The following ZZZ3 variants were observed in gnomAD, a reference collection of about 807,000 sequenced individuals.
The protein encoded by ZZZ3 is zinc finger ZZ-type containing 3.
ZZZ3 carries 22 observed loss-of-function variants against 95.2 expected under a neutral mutation model. The observed-to-expected ratio is 0.23, with a 90% confidence interval of 0.17 to 0.33. ZZZ3 has a LOEUF of 0.33. Ranked by LOEUF, ZZZ3 falls within the 10% of genes least tolerant of loss-of-function variation. The pLI is 1.00. For synonymous variants in ZZZ3, 335 were observed against 358.9 expected (o/e 0.93, Z 0.75); for missense variants, 885 against 1,066.5 (o/e 0.83, Z 2.37).
At chr1:77,595,312 A>G (rs565186161) in intron 5 of ZZZ3, among the ~76,000 whole-genome samples, 214 of 152,236 alleles carry the variant, frequency 1.4e-3, no homozygotes, top group African/African-American at 4.6e-3. Flanking sequence ...TTAACTAGCC[A>G]TGATGAATGC....
chr1:77,566,512 C>T (rs1323532654), intron 13 of ZZZ3, among the ~76,000 whole-genome samples: 2 of 152,158 alleles, frequency 1.3e-5, no homozygotes, highest in Non-Finnish European at 2.9e-5. Flanking sequence ...TTGAAAGGTA[C>T]CTCAGACCAC....
chr1:77,599,564 T>C (rs993476500), intron 5 of ZZZ3, among the ~76,000 whole-genome samples: 3 of 152,030 alleles, frequency 2.0e-5, no homozygotes, highest in Admixed American at 6.6e-5. Flanking sequence ...ATTTTATACA[T>C]TGGGACAGTT....
At chr1:77,662,542 G>C (rs1378584676) in intron 1 of ZZZ3, among the ~76,000 whole-genome samples, 2 of 152,214 alleles carry the variant, frequency 1.3e-5, no homozygotes, top group Non-Finnish European at 2.9e-5. Flanking sequence ...AGAATTGGAA[G>C]TATCAGTGTA....
rs1036591662 is a variant in ZZZ3, at chr1:77,564,269, G to A, written c.*1371C>T. Reference sequence around the variant, plus strand: ...CATGGTCCGTGTTTCCTTTTTGTAAGCTAGTTTAATTTAGTGTTTCAGCAC... The same window carrying A: ...CATGGTCCGTGTTTCCTTTTTGTAAACTAGTTTAATTTAGTGTTTCAGCAC... On this transcript the variant is annotated 3_prime_UTR_variant, in exon 15 of 15. Transcript: ENST00000370801. 2 of 151,984 alleles carry A rather than the reference G, an allele frequency of 1.3e-5. No homozygotes were observed. Among genetic ancestry groups the A allele is most frequent in the Non-Finnish European group, 2.9e-5 (2 of 67,946 alleles). The allele number at this position is 151,984 out of a possible 1,614,324, so 9.4% of individuals were successfully genotyped here.
intron 1 of ZZZ3, among the ~76,000 whole-genome samples, chr1:77,656,501 G>A (rs1165397381): frequency 1.3e-5 from 2 of 152,148 alleles, no homozygotes; most frequent in Non-Finnish European, 2.9e-5. Context: ...GACGGATCAA[G>A]GTAAAGATTC....
intron 1 of ZZZ3, among the ~76,000 whole-genome samples, chr1:77,675,363 G>A (rs1475759525): frequency 6.6e-6 from 1 of 152,104 alleles, no homozygotes; most frequent in Non-Finnish European, 1.5e-5. Context: ...AAACTAGTAA[G>A]GAGGGTAAAT....
intron 1 of ZZZ3, among the ~76,000 whole-genome samples, chr1:77,643,747 G>A (rs1668995076): frequency 6.6e-6 from 1 of 152,174 alleles, no homozygotes; most frequent in African/African-American, 2.4e-5. Flanking sequence ...AATCTCACTA[G>A]AAGATACAGC....
intron 5 of ZZZ3, among the ~76,000 whole-genome samples, chr1:77,627,805 T>G (rs1667460290): frequency 6.6e-6 from 1 of 152,194 alleles, no homozygotes; most frequent in South Asian, 2.1e-4. Flanking sequence ...TTGTAAGAGC[T>G]CAAGAATCTA....
chr1:77,635,275 A>C (rs890597924), intron 4 of ZZZ3, among the ~76,000 whole-genome samples: 2 of 152,204 alleles, frequency 1.3e-5, no homozygotes, highest in Admixed American at 1.3e-4. Context: ...GCATACTTTT[A>C]AATTTTTAAT....
At chr1:77,680,614 C>G (rs1183143725) in intron 1 of ZZZ3, among the ~76,000 whole-genome samples, 1 of 152,154 alleles carries the variant, frequency 6.6e-6, no homozygotes, top group Non-Finnish European at 1.5e-5. Flanking sequence ...ACAACACTTA[C>G]AAAATGATAG....
Position 77,632,097 on chromosome 1 carries a change from T to G in ZZZ3, c.1258A>C (p.Ser420Arg). 3 of 1,614,128 alleles carry G rather than the reference T, an allele frequency of 1.9e-6. No homozygotes were observed. Among genetic ancestry groups the G allele is most frequent in the Non-Finnish European group, 2.5e-6 (3 of 1,179,970 alleles). ...GTAGGAGATTGACTTACATTATCAC[T>G]AACAGTTGCATTTGTTTCATTAGGA... is the stretch of plus-strand genomic sequence containing the variant. ...LSPNETNATV[S>R]DNVSQSPTNP... is the part of the protein sequence containing the mutation. The change falls in exon 5 of 15, where the codon AGT (serine) becomes CGT (arginine). Residue 420 changes from serine to arginine, a missense_variant. By Grantham distance (110) the Ser-to-Arg change is moderately radical (BLOSUM62 -1). Coordinates refer to ENST00000370801, the MANE Select transcript of ZZZ3 (RefSeq NM_015534.6).
rs186345623 is a variant in ZZZ3, at chr1:77,629,913, T to C, written c.1505+1937A>G. Among the ~76,000 whole-genome samples, 379 of 152,350 alleles carry C rather than the reference T, an allele frequency of 2.5e-3. 2 individuals carry two copies. The highest frequency in any genetic ancestry group is 3.4e-3 in the Middle Eastern group (1 of 294). ...GGGTTATGAATGTGGAATATCAATG[T>C]TATGACTGTATCTTTAGGTAACTGT... On this transcript the variant is annotated intron_variant, in intron 5 of 14. Coordinates refer to ENST00000370801, the MANE Select transcript of ZZZ3 (RefSeq NM_015534.6).
At chr1:77,589,748 C>G (rs1663487067) in intron 5 of ZZZ3, among the ~76,000 whole-genome samples, 1 of 152,100 alleles carries the variant, frequency 6.6e-6, no homozygotes. Context: ...GCATGAACCA[C>G]TGTGCTCGGC....
chr1:77,683,182 T>C (rs1177410395), upstream of ZZZ3: 1 of 120,828 alleles, frequency 8.3e-6, no homozygotes, highest in Non-Finnish European at 1.7e-5. Flanking sequence ...AAGCCGATCG[T>C]TTCCCACCCC....
intron 5 of ZZZ3, among the ~76,000 whole-genome samples, chr1:77,621,547 G>A (rs1666863258): frequency 6.6e-6 from 1 of 150,814 alleles, no homozygotes. Flanking sequence ...CAGGCATGGT[G>A]CCTCACACCT....
intron 5 of ZZZ3, among the ~76,000 whole-genome samples, chr1:77,631,198 GATA>G (rs1234150198): frequency 6.6e-6 from 1 of 152,172 alleles, no homozygotes; most frequent in African/African-American, 2.4e-5. Flanking sequence ...GTTGAGAGCT[GATA>G]ATATTTTAAG....
intron 5 of ZZZ3, among the ~76,000 whole-genome samples, chr1:77,617,378 A>T (rs1666416766): frequency 6.6e-6 from 1 of 152,202 alleles, no homozygotes; most frequent in Non-Finnish European, 1.5e-5. Context: ...TTTCATATAA[A>T]TAGAAACATA....
chr1:77,632,051 T>C lies in ZZZ3; in HGVS notation c.1304A>G (p.Gln435Arg). ...GTCACAACATATCCCTTTTTCATTT[T>C]GAGAAATTTCACCAGGATTTGTAGG... ...QSPTNPGEIS[Q>R]NEKGICCDSQ... Residue 435 changes from glutamine (Q) to arginine (R), a missense_variant, in exon 5 of 15, where the codon CAA becomes CGA. Physicochemically the swap from Gln to Arg is conservative, Grantham distance 43. Around this residue, in one of 5 missense-constraint regions of ZZZ3, gnomAD observed 556 missense variants for 652.9 expected, o/e 0.85. Transcript: ENST00000370801. 1.9e-6 allele frequency: 3 copies of C among 1,614,178 alleles called. No homozygotes were observed. Among genetic ancestry groups the C allele is most frequent in the South Asian group, 1.1e-5 (1 of 91,082 alleles).
rs76289322 is a variant in ZZZ3 at position 77,659,744 on chromosome 1, C to T, written c.-402-18089G>A. On this transcript the variant is annotated intron_variant, in intron 1 of 14. Transcript: ENST00000370801. ...CCAGTTGAATCCTATGTTTTGATTA[C>T]CCAAAAAAAAAAAAAAGTTCCTTTT... Among the ~76,000 whole-genome samples, 6 of 149,890 alleles carry T rather than the reference C, an allele frequency of 4.0e-5. No homozygotes were observed. The South Asian group carries it at 1.3e-3, about 32-fold the overall frequency.
Sources: gnomAD v4.1 joint callset for allele counts (sites outside exome capture counted in the v4.1 genomes callset) on GRCh38, gnomAD v4.1.1 for gene constraint, gnomAD v4.1.1 regional missense constraint, MANE v1.5 for transcripts, NCBI Gene and HGNC (gene_info 2026-07-23, HGNC 2026-07-21) for gene names.